The following TEAD1 variants were observed in gnomAD, a reference collection of about 807,000 sequenced individuals.
The protein encoded by TEAD1 is TEA domain transcription factor 1, also known as transcriptional enhancer factor TEF-1.
Under a neutral mutation model 54.9 loss-of-function variants are expected in TEAD1, and 9 were observed. The observed-to-expected ratio is 0.16, with a 90% CI of 0.10 to 0.29. TEAD1 has a LOEUF of 0.29. TEAD1 is among the 10% of genes least tolerant of loss of function. The probability of loss-of-function intolerance (pLI) is 1.00; values close to 1 mark genes in which losing one functional copy is unlikely to be tolerated. For synonymous variants in TEAD1, 200 were observed against 187.8 expected (o/e 1.07, Z -0.53); for missense variants, 387 against 535.9 (o/e 0.72, Z 2.74).
chr11:12,719,656 G>A (rs983777673), intron 2 of TEAD1, among the ~76,000 whole-genome samples: 2 of 152,098 alleles, frequency 1.3e-5, no homozygotes, highest in South Asian at 4.1e-4. Context: ...AGACAACCAA[G>A]GCTGAGGTAA....
At chr11:12,932,802 TACTC>T (rs973832877) in intron 12 of TEAD1, among the ~76,000 whole-genome samples, 2 of 152,216 alleles carry the variant, frequency 1.3e-5, no homozygotes, top group African/African-American at 4.8e-5. Context: ...ACTCGTCACT[TACTC>T]AGTGACTCAC....
intron 9 of TEAD1, among the ~76,000 whole-genome samples, chr11:12,892,040 G>A (rs919554199): frequency 6.6e-6 from 1 of 152,242 alleles, no homozygotes; most frequent in African/African-American, 2.4e-5. Flanking sequence ...TGGGGGACTG[G>A]CAGGCCTGTG....
chr11:12,719,236 G>A (rs1354409933), intron 2 of TEAD1, among the ~76,000 whole-genome samples: 1 of 152,002 alleles, frequency 6.6e-6, no homozygotes, highest in Non-Finnish European at 1.5e-5. Flanking sequence ...GAAGGTACCT[G>A]GGGACCTTTG....
chr11:12,866,093 C>A (rs1947609368), intron 5 of TEAD1, among the ~76,000 whole-genome samples: 1 of 152,190 alleles, frequency 6.6e-6, no homozygotes, highest in Non-Finnish European at 1.5e-5. Flanking sequence ...GGCTCGCTCG[C>A]ACGTGTGGCT....
chr11:12,878,957 T>G, intron 5 of TEAD1: 1 of 1,238,542 alleles, frequency 8.1e-7, no homozygotes, highest in East Asian at 5.6e-5. Flanking sequence ...GGCAGACTTT[T>G]TTGGCTAGCT....
intron 9 of TEAD1, among the ~76,000 whole-genome samples, chr11:12,895,106 A>C (rs1308004712): frequency 1.3e-5 from 2 of 152,116 alleles, no homozygotes; most frequent in African/African-American, 4.8e-5. Context: ...ATCACTCCTC[A>C]CTGCAGGCTC....
At chr11:12,857,492 A>G (rs1428820752) in intron 3 of TEAD1, among the ~76,000 whole-genome samples, 1 of 152,178 alleles carries the variant, frequency 6.6e-6, no homozygotes, top group African/African-American at 2.4e-5. Context: ...TTTTAGGAAA[A>G]TAATAAGTAA....
At chr11:12,817,948 C>G (rs1011791461) in intron 3 of TEAD1, among the ~76,000 whole-genome samples, 3 of 152,234 alleles carry the variant, frequency 2.0e-5, no homozygotes, top group African/African-American at 7.2e-5. Context: ...TGGTTATTAG[C>G]TGCAAAGAAA....
intron 12 of TEAD1, among the ~76,000 whole-genome samples, chr11:12,933,643 A>G (rs554532574): frequency 2.6e-5 from 4 of 152,158 alleles, no homozygotes; most frequent in South Asian, 2.1e-4. Flanking sequence ...GGGAGGGCCA[A>G]CTGTATTCTT....
In TEAD1 at chr11:12,913,186, G is replaced by A. The variant is rs1948647723; in HGVS notation, c.873+11073G>A. On this transcript the variant is annotated intron_variant, in intron 10 of 12. Transcript: ENST00000527636. ...GTCAGTTGCTTAAAACTGAACCTAG[G>A]CCCTTGGTGGTGTGAGAGACCCCCT... Among the ~76,000 whole-genome samples, 4 of 152,240 alleles carry A rather than the reference G, an allele frequency of 2.6e-5. No individual in the cohort carries two copies. The South Asian group carries it at 6.2e-4, about 24-fold the overall frequency.
At chr11:12,736,695 C>G (rs1360907958) in intron 2 of TEAD1, among the ~76,000 whole-genome samples, 2 of 152,022 alleles carry the variant, frequency 1.3e-5, no homozygotes, top group African/African-American at 4.8e-5. Flanking sequence ...CCAGCTGGAA[C>G]CTAAGCTTTT....
At chr11:12,728,488 G>A (rs544587043) in intron 2 of TEAD1, among the ~76,000 whole-genome samples, 1 of 152,276 alleles carries the variant, frequency 6.6e-6, no homozygotes, top group East Asian at 1.9e-4. Flanking sequence ...GAGACAATTC[G>A]GCAGCACTGA....
At chr11:12,757,940 T>A (rs2133916726) in intron 2 of TEAD1, among the ~76,000 whole-genome samples, 1 of 152,126 alleles carries the variant, frequency 6.6e-6, no homozygotes, top group East Asian at 1.9e-4. Context: ...CCACCACGCC[T>A]GACTAATTTT....
Position 12,715,574 on chromosome 11 carries a change from G to A in TEAD1, c.-55+40013G>A, listed in dbSNP as rs75070832. ...TGGCTGTCTCTCTGGGGAGCTGCAC[G>A]TGATGCAGACGGGGCTGCTGGAGAC... On this transcript the variant is annotated intron_variant, in intron 2 of 12. Transcript: ENST00000527636. Among the ~76,000 whole-genome samples, 930 of 152,242 alleles carry A rather than the reference G, an allele frequency of 6.1e-3. 4 individuals carry two copies. Among genetic ancestry groups the A allele is most frequent in the Non-Finnish European group, 0.011 (730 of 68,000 alleles).
At chr11:12,855,971 G>A (rs1947368916) in intron 3 of TEAD1, among the ~76,000 whole-genome samples, 1 of 151,482 alleles carries the variant, frequency 6.6e-6, no homozygotes, top group Non-Finnish European at 1.5e-5. Context: ...AAGGAGTGGT[G>A]GGGGCATATG....
At chr11:12,686,538 G>T (rs1486595069) in intron 2 of TEAD1, among the ~76,000 whole-genome samples, 1 of 151,900 alleles carries the variant, frequency 6.6e-6, no homozygotes, top group East Asian at 1.9e-4. Context: ...GTTTAATTTA[G>T]AAAGAAGTTT....
Position 12,937,409 on chromosome 11 carries a change from A to G in TEAD1, c.*187A>G, listed in dbSNP as rs1275593965. 15 of 521,122 alleles carry G rather than the reference A, an allele frequency of 2.9e-5. No individual in the cohort carries two copies. Among genetic ancestry groups the G allele is most frequent in the African/African-American group, 1.3e-4 (7 of 52,016 alleles). The allele number at this position is 521,122 out of a possible 1,614,324, so 32.3% of individuals were successfully genotyped here. A position where few individuals can be genotyped will look rare whatever the true frequency, so the allele number is the denominator to read the frequency against. On this transcript the variant is annotated 3_prime_UTR_variant, in exon 13 of 13. Coordinates refer to ENST00000527636, the MANE Select transcript of TEAD1 (RefSeq NM_021961.6). Reference sequence around the variant, plus strand: ...AGTCATTTTTTCATGTGTTCATACTATCATTGTAGCTGTGAAGTTCTGGTA... The same window carrying G: ...AGTCATTTTTTCATGTGTTCATACTGTCATTGTAGCTGTGAAGTTCTGGTA...
At chr11:12,760,200 C>G (rs1440881348) in intron 2 of TEAD1, among the ~76,000 whole-genome samples, 1 of 152,224 alleles carries the variant, frequency 6.6e-6, no homozygotes, top group East Asian at 1.9e-4. Flanking sequence ...AAATGAACAT[C>G]TGTTCATAGT....
At chr11:12,901,086 C>T (rs1367046217) in intron 9 of TEAD1, among the ~76,000 whole-genome samples, 1 of 152,056 alleles carries the variant, frequency 6.6e-6, no homozygotes, top group Non-Finnish European at 1.5e-5. Context: ...CAGTTTAATC[C>T]AGATTATGCC....
Sources: allele counts gnomAD v4.1 joint callset (sites outside exome capture counted in the v4.1 genomes callset), GRCh38; gene constraint gnomAD v4.1.1; transcripts MANE v1.5; gene names NCBI Gene and HGNC (gene_info 2026-07-23, HGNC 2026-07-21).